Variants in MEAF6 observed in about 807,000 individuals in gnomAD.
The protein encoded by MEAF6 is chromatin modification-related protein MEAF6.
Under a neutral mutation model 28.9 loss-of-function variants are expected in MEAF6, and 15 were observed. That is an observed-to-expected ratio of 0.52 (90% CI 0.35 to 0.80). The LOEUF (loss-of-function observed/expected upper bound fraction) is 0.80. Ranked by LOEUF, MEAF6 falls within the 30% of genes least tolerant of loss-of-function variation. The pLI, the probability that MEAF6 is intolerant of heterozygous loss-of-function variation, is 0.01. For synonymous variants in MEAF6, 97 were observed against 88.7 expected (o/e 1.09, Z -0.53); for missense variants, 178 against 237.5 (o/e 0.75, Z 1.65).
rs929026802 is a variant in MEAF6, at chr1:37,513,543, G to C, written c.91-5C>G. On this transcript the variant is annotated splice_polypyrimidine_tract_variant and splice_region_variant and intron_variant, in intron 1 of 6. Transcript: ENST00000296214. ...CTCCAAATTTGCCAATGTTTCCTGA[G>C]AGATGAAAAACAAGGACATGAATGA... is the stretch of plus-strand genomic sequence containing the variant. The C allele has an allele frequency of 3.7e-6, 6 of 1,606,196 alleles. No individual in the cohort carries two copies. The highest frequency in any genetic ancestry group is 5.1e-6 in the Non-Finnish European group (6 of 1,172,696).
At chr1:37,496,197 A>G (rs1261936909) in intron 5 of MEAF6, among the ~76,000 whole-genome samples, 1 of 152,262 alleles carries the variant, frequency 6.6e-6, no homozygotes, top group Non-Finnish European at 1.5e-5. Context: ...AAACAATTCC[A>G]AAACTACATG....
At chr1:37,502,746 T>G (rs61778057) in intron 4 of MEAF6, among the ~76,000 whole-genome samples, 9 of 151,584 alleles carry the variant, frequency 5.9e-5, no homozygotes, top group Non-Finnish European at 1.0e-4. Flanking sequence ...GCCTCCCAAG[T>G]AGCTGGGACT....
In MEAF6 at chr1:37,501,796, C is replaced by A. The variant is rs368121416; in HGVS notation, c.533+8G>T. On this transcript the variant is annotated splice_region_variant and intron_variant, in intron 5 of 6. Coordinates refer to ENST00000296214, the MANE Select transcript of MEAF6 (RefSeq NM_001270875.3). ...GGGAGCTGCGGGGGTGGGATCCCTG[C>A]CACTGACCTGTGCCGGTTTTTATTC... The A allele has an allele frequency of 1.9e-6, 3 of 1,563,198 alleles. No individual in the cohort carries two copies. Among genetic ancestry groups the A allele is most frequent in the Non-Finnish European group, 2.6e-6 (3 of 1,145,116 alleles).
chr1:37,490,319 T>TA lies in MEAF6; in HGVS notation c.*3779dup, dbSNP rs112547169. ...GTTTCAAATCACGAAGCTTACCACT[T>TA]AGACAATTCAGACAAGGTAATGCTC... On this transcript the variant is annotated 3_prime_UTR_variant, in exon 7 of 7. Coordinates refer to ENST00000296214, the MANE Select transcript of MEAF6 (RefSeq NM_001270875.3). Among the ~76,000 whole-genome samples, 71 of 152,248 alleles carry TA rather than the reference T, an allele frequency of 4.7e-4. No individual in the cohort carries two copies. The highest frequency in any genetic ancestry group is 1.6e-3 in the African/African-American group (68 of 41,538).
intron 5 of MEAF6, among the ~76,000 whole-genome samples, chr1:37,497,956 G>A (rs1569957658): frequency 6.6e-6 from 1 of 152,152 alleles, no homozygotes; most frequent in South Asian, 2.1e-4. Flanking sequence ...CAGGGATCTG[G>A]AAGGAGCAGT....
chr1:37,502,847 T>A (rs1047762059), intron 4 of MEAF6, among the ~76,000 whole-genome samples: 1 of 152,150 alleles, frequency 6.6e-6, no homozygotes, highest in Admixed American at 6.6e-5. Context: ...CTTGAACTCC[T>A]AGGCTCAAGA....
chr1:37,495,704 C>CAAA (rs1217893546), intron 6 of MEAF6, among the ~76,000 whole-genome samples, 181 bp downstream of exon 6: 12 of 64,454 alleles, frequency 1.9e-4, no homozygotes, highest in South Asian at 4.2e-4. Flanking sequence ...AAACAAAAAA[C>CAAA]AAAAAAAAAA....
At chr1:37,507,702 C>T (rs952508180) in intron 4 of MEAF6, among the ~76,000 whole-genome samples, 1 of 151,784 alleles carries the variant, frequency 6.6e-6, no homozygotes, top group Non-Finnish European at 1.5e-5. Flanking sequence ...GGATTCAGGC[C>T]GGGCGCAGTG....
At chr1:37,514,132 T>C (rs1223778363) in intron 1 of MEAF6, 1 of 160,988 alleles carries the variant, frequency 6.2e-6, no homozygotes, top group African/African-American at 2.4e-5. Context: ...CTCCCTCGCC[T>C]GTCACCTTCT....
chr1:37,495,812 C>A, intron 6 of MEAF6, 73 bp downstream of exon 6: 1 of 1,472,202 alleles, frequency 6.8e-7, no homozygotes, highest in Non-Finnish European at 9.5e-7. Flanking sequence ...CACTCAAGCT[C>A]TGAAGACAAA....
At chr1:37,506,528 C>T (rs926784540) in intron 4 of MEAF6, among the ~76,000 whole-genome samples, 4 of 152,012 alleles carry the variant, frequency 2.6e-5, no homozygotes, top group South Asian at 2.1e-4. Flanking sequence ...TGTGCCACCA[C>T]GTCCAGCTAC....
intron 5 of MEAF6, among the ~76,000 whole-genome samples, chr1:37,497,748 G>A (rs1642169054): frequency 6.6e-6 from 1 of 151,954 alleles, no homozygotes; most frequent in Non-Finnish European, 1.5e-5. Context: ...CCTGCCACTA[G>A]GTCCAGCTAA....
intron 4 of MEAF6, among the ~76,000 whole-genome samples, chr1:37,506,325 C>A (rs781155562): frequency 5.9e-5 from 9 of 151,410 alleles, no homozygotes; most frequent in African/African-American, 9.7e-5. Flanking sequence ...TCAGATATGA[C>A]CAAAAAAGAA....
At chr1:37,505,515 A>G (rs988630539) in intron 4 of MEAF6, among the ~76,000 whole-genome samples, 2 of 152,208 alleles carry the variant, frequency 1.3e-5, no homozygotes, top group Non-Finnish European at 2.9e-5. Context: ...CTCATCAGCT[A>G]TAGTGTTAGT....
At chr1:37,501,666 C>T (rs1642307259) in intron 5 of MEAF6, 138 bp downstream of exon 5, 4 of 818,192 alleles carry the variant, frequency 4.9e-6, no homozygotes, top group South Asian at 6.2e-5. Flanking sequence ...CAAATTAGCC[C>T]GTTCACTTGG....
chr1:37,501,547 A>G, intron 5 of MEAF6: 1 of 346,690 alleles, frequency 2.9e-6, no homozygotes, highest in Non-Finnish European at 5.2e-6. Context: ...TCACCATATG[A>G]AACAAGGTTT....
intron 3 of MEAF6, 52 bp from the exon 4 acceptor site, chr1:37,509,375 G>C (rs1371508417): frequency 6.2e-7 from 1 of 1,604,782 alleles, no homozygotes; most frequent in Non-Finnish European, 8.5e-7. Context: ...CCTCAGAAGA[G>C]CACTCCCAGA....
intron 4 of MEAF6, 88 bp downstream of exon 4, chr1:37,509,190 T>G: frequency 8.6e-7 from 1 of 1,164,352 alleles, no homozygotes; most frequent in Non-Finnish European, 1.3e-6. Context: ...AGAAATGCAG[T>G]CCTCAGATAC....
At position 37,514,688 on chromosome 1, in the gene MEAF6, G is replaced by A. The variant is rs2148097505; in HGVS notation, c.59C>T (p.Ala20Val). ...CTCCTGCTTCCGCTTCACGAGCTCCGCCAGCTCCCGCCGGGTGTCCGGGAT... is the reference window on the plus strand; with the variant it reads ...CTCCTGCTTCCGCTTCACGAGCTCCACCAGCTCCCGCCGGGTGTCCGGGAT... Reference protein sequence around the residue: ...PQIPDTRRELAELVKRKQELA... With the variant: ...PQIPDTRRELVELVKRKQELA... Residue 20 changes from alanine to valine, a missense_variant, in exon 1 of 7, where the codon GCG becomes GTG. By Grantham distance (64) the Ala-to-Val change is moderately conservative. Transcript: ENST00000296214. The A allele has an allele frequency of 1.3e-6, 2 of 1,542,876 alleles. No individual in the cohort carries two copies. The highest frequency in any genetic ancestry group is 1.7e-6 in the Non-Finnish European group (2 of 1,149,318).
Sources: gnomAD v4.1 joint callset for allele counts (sites outside exome capture counted in the v4.1 genomes callset) on GRCh38, gnomAD v4.1.1 for gene constraint, MANE v1.5 for transcripts, NCBI Gene and HGNC (gene_info 2026-07-23, HGNC 2026-07-21) for gene names.